The following CTNNA2 variants were observed in gnomAD, a reference collection of about 807,000 sequenced individuals.
CTNNA2 encodes the protein catenin alpha 2.
In CTNNA2, 42 loss-of-function variants were observed where a neutral mutation model predicts 101.0. The ratio of observed to expected loss-of-function variants is 0.42; its 90% CI spans 0.32 to 0.54. The LOEUF (loss-of-function observed/expected upper bound fraction) is 0.54. Ranked by LOEUF, CTNNA2 falls within the 20% of genes least tolerant of loss-of-function variation. CTNNA2 has a pLI of 0.14. For missense variants in CTNNA2, 871 were observed against 1,223.1 expected, an observed-to-expected ratio of 0.71 and a Z score of 4.29; for synonymous variants, 450 against 456.4, an observed-to-expected ratio of 0.99 and a Z score of 0.18.
intron 7 of CTNNA2, among the ~76,000 whole-genome samples, chr2:80,338,363 G>C (rs143592838): frequency 3.9e-4 from 59 of 151,492 alleles, no homozygotes; most frequent in Non-Finnish European, 4.6e-4. Flanking sequence ...TTAAAAGAGG[G>C]AATATTCTGG....
intron 1 of CTNNA2, among the ~76,000 whole-genome samples, chr2:79,587,854 C>A (rs1676595521): frequency 6.6e-6 from 1 of 152,182 alleles, no homozygotes; most frequent in Non-Finnish European, 1.5e-5. Flanking sequence ...GGGCCCATTT[C>A]TCAAAGAATA....
rs142521893 is a variant in CTNNA2, at chr2:79,568,068, G to C, written c.-6+54861G>C. Among the ~76,000 whole-genome samples, 544 of 152,178 alleles carry C rather than the reference G, an allele frequency of 3.6e-3. 11 individuals carry two copies. Among genetic ancestry groups the C allele is most frequent in the Admixed American group, 0.031 (472 of 15,278 alleles). On this transcript the variant is annotated intron_variant, in intron 1 of 18. Coordinates refer to ENST00000402739, the MANE Select transcript of CTNNA2 (RefSeq NM_001282597.3). ...GTATTTCACCATGGATTGTAGGTTG[G>C]TAAATTTTTTTCTCACCTGGTATAT...
intron 7 of CTNNA2, among the ~76,000 whole-genome samples, chr2:80,279,049 C>CGTTGTGTGT (rs1553482573): frequency 8.1e-5 from 11 of 135,824 alleles, no homozygotes; most frequent in Middle Eastern, 3.8e-3. Flanking sequence ...ATGACTTTTA[C>CGTTGTGTGT]GTGTGTGTGT....
intron 7 of CTNNA2, among the ~76,000 whole-genome samples, chr2:79,930,300 GAAA>G (rs1687326657): frequency 2.9e-5 from 1 of 34,458 alleles, no homozygotes. Flanking sequence ...GAAAGAGAAA[GAAA>G]GAAAGAAAGA....
At chr2:79,421,905 T>C (rs1678544054) in intron 4 of CTNNA2, among the ~76,000 whole-genome samples, 2 of 152,266 alleles carry the variant, frequency 1.3e-5, no homozygotes, top group South Asian at 2.1e-4. Context: ...ATAGGAAGTA[T>C]AGAGCCCATA....
intron 7 of CTNNA2, among the ~76,000 whole-genome samples, chr2:80,360,653 G>T (rs1674314930): frequency 1.3e-5 from 2 of 152,118 alleles, no homozygotes; most frequent in African/African-American, 4.8e-5. Context: ...TGCTTAGGGA[G>T]TACATGTAAG....
intron 15 of CTNNA2, among the ~76,000 whole-genome samples, chr2:80,590,707 TG>T (rs1696411631): frequency 6.6e-6 from 1 of 152,158 alleles, no homozygotes; most frequent in African/African-American, 2.4e-5. Flanking sequence ...ATTTTAAAAT[TG>T]TTTTTTTTAC....
chr2:79,538,728 AG>A (rs1673224673), intron 1 of CTNNA2, among the ~76,000 whole-genome samples: 1 of 152,194 alleles, frequency 6.6e-6, no homozygotes, highest in African/African-American at 2.4e-5. Context: ...TTTGGTCAGA[AG>A]AAGGCTGGGA....
intron 1 of CTNNA2, chr2:79,574,102 A>G (rs1447888515): frequency 6.5e-6 from 1 of 152,798 alleles, no homozygotes; most frequent in African/African-American, 2.4e-5. Flanking sequence ...AGCAGAGACA[A>G]GGAAAAGTAT....
chr2:80,511,100 T>G (rs1024876597), intron 9 of CTNNA2, among the ~76,000 whole-genome samples: 1 of 152,202 alleles, frequency 6.6e-6, no homozygotes, highest in Non-Finnish European at 1.5e-5. Context: ...GCTTTGGGTA[T>G]CCAGTCATTC....
rs148443038 is a variant in CTNNA2, at chr2:80,216,138, C to T, written c.1057-177073C>T. 5.1e-3 allele frequency among the ~76,000 whole-genome samples: 769 copies of T among 152,238 alleles called. 4 individuals carry two copies. The highest frequency in any genetic ancestry group is 0.016 in the African/African-American group (667 of 41,544). The stretch of plus-strand genomic sequence containing the variant: ...GCGCAGTATTAGGGTGGGAGTATAC[C>T]GATTTTCCAGGTACCGTCTGTCACG... On this transcript the variant is annotated intron_variant, in intron 7 of 18. Coordinates refer to ENST00000402739, the MANE Select transcript of CTNNA2 (RefSeq NM_001282597.3).
intron 7 of CTNNA2, among the ~76,000 whole-genome samples, chr2:80,044,698 C>G (rs1267494658): frequency 6.6e-6 from 1 of 152,130 alleles, no homozygotes. Context: ...TAAGAACATT[C>G]TCTTACTGCC....
intron 2 of CTNNA2, among the ~76,000 whole-genome samples, chr2:79,727,152 T>C (rs943410794): frequency 6.6e-6 from 1 of 152,206 alleles, no homozygotes; most frequent in African/African-American, 2.4e-5. Flanking sequence ...ATGAAAAATG[T>C]AAAGAAAATA....
intron 3 of CTNNA2, among the ~76,000 whole-genome samples, chr2:79,770,370 C>A (rs1295168271): frequency 6.6e-6 from 1 of 152,120 alleles, no homozygotes; most frequent in Non-Finnish European, 1.5e-5. Flanking sequence ...ACCAATTAGT[C>A]AACACCAAAA....
intron 9 of CTNNA2, among the ~76,000 whole-genome samples, chr2:80,490,639 T>C (rs1686989755): frequency 6.6e-6 from 1 of 152,134 alleles, no homozygotes; most frequent in Non-Finnish European, 1.5e-5. Context: ...AACCACTGAT[T>C]TGTGCTGCTT....
At chr2:80,282,458 C>T (rs1421208048) in intron 7 of CTNNA2, among the ~76,000 whole-genome samples, 5 of 152,016 alleles carry the variant, frequency 3.3e-5, no homozygotes, top group African/African-American at 1.2e-4. Flanking sequence ...CTCACATTTA[C>T]TTCTCATGGT....
chr2:79,401,464 A>G (rs1308336530), intron 4 of CTNNA2, among the ~76,000 whole-genome samples: 1 of 151,754 alleles, frequency 6.6e-6, no homozygotes, highest in East Asian at 1.9e-4. Flanking sequence ...TAGCACAAAC[A>G]TACCATGAGA....
chr2:80,021,657 G>A (rs533996790), intron 7 of CTNNA2, among the ~76,000 whole-genome samples: 1 of 152,114 alleles, frequency 6.6e-6, no homozygotes, highest in Non-Finnish European at 1.5e-5. Context: ...TTTGATAGAT[G>A]TGTACATTAT....
intron 4 of CTNNA2, among the ~76,000 whole-genome samples, chr2:79,384,734 A>C (rs1219443936): frequency 3.9e-5 from 6 of 151,904 alleles, no homozygotes; most frequent in Admixed American, 3.9e-4. Flanking sequence ...CCCTTTTGAA[A>C]CTCTTTCTTC....
Sources: gnomAD v4.1 joint callset for allele counts (sites outside exome capture counted in the v4.1 genomes callset) on GRCh38, gnomAD v4.1.1 for gene constraint, MANE v1.5 for transcripts, NCBI Gene and HGNC (gene_info 2026-07-23, HGNC 2026-07-21) for gene names.